CPNE5: variants seen among roughly 807,000 people sequenced by gnomAD.
CPNE5 encodes the protein copine 5.
In CPNE5, 42 loss-of-function variants were observed where a neutral mutation model predicts 81.1. The ratio of observed to expected loss-of-function variants is 0.52; its 90% confidence interval spans 0.40 to 0.67. The LOEUF (loss-of-function observed/expected upper bound fraction) is 0.67. Among genes scored for constraint, CPNE5 ranks in the 30% least tolerant of loss-of-function variants. The probability of loss-of-function intolerance (pLI) is 0.00; values close to 1 mark genes in which losing one functional copy is unlikely to be tolerated. For synonymous variants in CPNE5, 313 were observed against 321.5 expected (o/e 0.97, Z 0.28); for missense variants, 612 against 815.5 (o/e 0.75, Z 3.04).
At chr6:36,812,711 C>T (rs968741118) in intron 3 of CPNE5, among the ~76,000 whole-genome samples, 10 of 152,232 alleles carry the variant, frequency 6.6e-5, no homozygotes, top group Non-Finnish European at 1.3e-4. Context: ...CTGCCTAACC[C>T]TGATCACGGG....
At chr6:36,795,997 A>G (rs771168514) in intron 6 of CPNE5, among the ~76,000 whole-genome samples, 3 of 152,130 alleles carry the variant, frequency 2.0e-5, no homozygotes, top group Non-Finnish European at 4.4e-5. Flanking sequence ...CACCCAGGCT[A>G]GAGTGCAGTG....
chr6:36,806,215 G>A (rs1290360786), intron 3 of CPNE5, among the ~76,000 whole-genome samples: 3 of 152,144 alleles, frequency 2.0e-5, no homozygotes, highest in South Asian at 2.1e-4. Flanking sequence ...CCTGCTGCCC[G>A]CCCCAGCTCC....
chr6:36,745,462 G>C lies in CPNE5; in HGVS notation c.1254C>G (p.Ala418=). ...SCCGIDGILE[A]YHRSLRTVQL... ...GCACAGTGCGCAGGCTGCGGTGGTA[G>C]GCCTCCAGGATGCCGTCGATGCCAC... The change falls in exon 17 of 21, where the codon GCC becomes GCG. Residue 418 remains alanine (A), a synonymous_variant. Coordinates refer to ENST00000244751, the MANE Select transcript of CPNE5 (RefSeq NM_020939.2). The C allele has an allele frequency of 6.2e-7, 1 of 1,602,652 alleles. No homozygotes were observed.
At chr6:36,798,731 A>G (rs1769825432) in intron 4 of CPNE5, among the ~76,000 whole-genome samples, 1 of 152,148 alleles carries the variant, frequency 6.6e-6, no homozygotes, top group Non-Finnish European at 1.5e-5. Context: ...TGCATCGTGG[A>G]GTAGGCACAA....
chr6:36,822,922 C>T (rs1737803160), intron 2 of CPNE5, 136 bp downstream of exon 2: 3 of 658,512 alleles, frequency 4.6e-6, no homozygotes, highest in South Asian at 7.7e-5. Flanking sequence ...ATGGGAGAAA[C>T]ATTAAACAGG....
chr6:36,821,992 G>T, intron 3 of CPNE5, 122 bp downstream of exon 3: 1 of 832,958 alleles, frequency 1.2e-6, no homozygotes, highest in Non-Finnish European at 1.8e-6. Context: ...CACCTTACTA[G>T]CCTTCAGCGG....
At chr6:36,742,831 G>A (rs1004967385) in intron 20 of CPNE5, 14 of 985,288 alleles carry the variant, frequency 1.4e-5, no homozygotes, top group African/African-American at 7.0e-5. Context: ...TCTGGGGCAC[G>A]TGCCCTCCTG....
intron 6 of CPNE5, 40 bp from the exon 7 acceptor site, chr6:36,794,689 G>A (rs745836563): frequency 1.2e-5 from 19 of 1,589,644 alleles, no homozygotes; most frequent in Non-Finnish European, 1.6e-5. Flanking sequence ...GCCATGAGCT[G>A]AGTACCCCCA....
At chr6:36,811,419 G>A (rs559952735) in intron 3 of CPNE5, among the ~76,000 whole-genome samples, 1 of 152,340 alleles carries the variant, frequency 6.6e-6, no homozygotes, top group South Asian at 2.1e-4. Context: ...TGCAGGCCAG[G>A]CACTTTACAC....
chr6:36,772,334 T>C (rs1767108173), intron 10 of CPNE5, among the ~76,000 whole-genome samples: 1 of 152,060 alleles, frequency 6.6e-6, no homozygotes, highest in African/African-American at 2.4e-5. Flanking sequence ...TAGAACTCAC[T>C]GCTCCAACCA....
intron 1 of CPNE5, among the ~76,000 whole-genome samples, chr6:36,826,627 G>C (rs1583032557): frequency 6.6e-6 from 1 of 152,190 alleles, no homozygotes; most frequent in African/African-American, 2.4e-5. Context: ...CCATGGCAGA[G>C]TTTCCCACCC....
At chr6:36,761,255 G>A (rs1766000235) in intron 12 of CPNE5, among the ~76,000 whole-genome samples, 1 of 152,234 alleles carries the variant, frequency 6.6e-6, no homozygotes, top group African/African-American at 2.4e-5. Context: ...TCTCTTTGCA[G>A]ATGCAGAAAA....
intron 12 of CPNE5, chr6:36,757,455 A>G: frequency 1.3e-6 from 1 of 789,084 alleles, no homozygotes; most frequent in Non-Finnish European, 1.5e-6. Flanking sequence ...TGATTTGCCT[A>G]AAGTCACACA....
chr6:36,796,286 TCA>T (rs1769566781), intron 6 of CPNE5, among the ~76,000 whole-genome samples: 1 of 152,210 alleles, frequency 6.6e-6, no homozygotes, highest in Non-Finnish European at 1.5e-5. Context: ...CCTTTAAGGC[TCA>T]GTTTCAAAAG....
intron 1 of CPNE5, among the ~76,000 whole-genome samples, chr6:36,833,622 C>T (rs1773157312): frequency 6.6e-6 from 1 of 152,208 alleles, no homozygotes; most frequent in South Asian, 2.1e-4. Context: ...CTGAGAGTCA[C>T]TCTGGTCCAA....
chr6:36,742,166 G>A lies in CPNE5; in HGVS notation c.*102C>T, dbSNP rs1763625019. The A allele has an allele frequency of 2.3e-6, 2 of 861,416 alleles. No homozygotes were observed. Among genetic ancestry groups the A allele is most frequent in the Admixed American group, 2.8e-5 (1 of 35,730 alleles). The allele number at this position is 861,416 out of a possible 1,614,324, so 53.4% of individuals were successfully genotyped here. A position where few individuals can be genotyped will look rare whatever the true frequency, so the allele number is the denominator to read the frequency against. Reference sequence around the variant, plus strand: ...CTGGCAGCCTCCCAGGCACACAGATGTCCCAAAGGCCGGGCAGGCCAACTT... The same window carrying A: ...CTGGCAGCCTCCCAGGCACACAGATATCCCAAAGGCCGGGCAGGCCAACTT... On this transcript the variant is annotated 3_prime_UTR_variant, in exon 21 of 21. Transcript: ENST00000244751.
At chr6:36,795,345 A>G (rs1280958576) in intron 6 of CPNE5, among the ~76,000 whole-genome samples, 2 of 151,918 alleles carry the variant, frequency 1.3e-5, no homozygotes, top group East Asian at 3.9e-4. Flanking sequence ...TGCCCGGCTA[A>G]TTTTTGTATT....
chr6:36,801,169 A>G (rs1770069416), intron 3 of CPNE5, among the ~76,000 whole-genome samples: 1 of 152,240 alleles, frequency 6.6e-6, no homozygotes, highest in African/African-American at 2.4e-5. Context: ...AATTTTATAC[A>G]TAATAGGCAG....
At chr6:36,819,069 C>G (rs1332216703) in intron 3 of CPNE5, among the ~76,000 whole-genome samples, 2 of 152,196 alleles carry the variant, frequency 1.3e-5, no homozygotes, top group Middle Eastern at 3.2e-3. Flanking sequence ...TTTAGCCCAG[C>G]CCCTGTGGAA....
Sources: allele counts gnomAD v4.1 joint callset (sites outside exome capture counted in the v4.1 genomes callset), GRCh38; gene constraint gnomAD v4.1.1; transcripts MANE v1.5; gene names NCBI Gene and HGNC (gene_info 2026-07-23, HGNC 2026-07-21).